The following MYO5B variants were observed in gnomAD, a reference collection of about 807,000 sequenced individuals.
MYO5B encodes the protein myosin VB, also known as unconventional myosin-Vb.
In MYO5B, 143 loss-of-function variants were observed where a neutral mutation model predicts 229.3. The ratio of observed to expected loss-of-function variants is 0.62; its 90% CI spans 0.54 to 0.72. MYO5B has a LOEUF of 0.72. MYO5B is among the 30% of genes least tolerant of loss of function. The pLI is 0.00. For synonymous variants in MYO5B, 918 were observed against 885.2 expected, an observed-to-expected ratio of 1.04 and a Z score of -0.66; for missense variants, 2,321 against 2,331.0, an observed-to-expected ratio of 1.00 and a Z score of 0.09.
At chr18:49,880,225 G>T in intron 23 of MYO5B, 146 bp downstream of exon 23, 2 of 784,124 alleles carry the variant, frequency 2.6e-6, no homozygotes, top group Non-Finnish European at 4.5e-6. Flanking sequence ...GATCTTAAAG[G>T]TCATTATTCT....
At chr18:49,837,385 G>C in intron 37 of MYO5B, 132 bp downstream of exon 37, 1 of 1,122,678 alleles carries the variant, frequency 8.9e-7, no homozygotes, top group Admixed American at 1.9e-5. Context: ...TTGAGTCACA[G>C]ACTGATGGAG....
At chr18:49,986,268 T>TC (rs1216739236) in intron 7 of MYO5B, among the ~76,000 whole-genome samples, 1 of 151,834 alleles carries the variant, frequency 6.6e-6, no homozygotes, top group African/African-American at 2.4e-5. Context: ...CTTCCTCACC[T>TC]CCCCCCATTT....
At chr18:50,021,428 C>T (rs866324165) in intron 4 of MYO5B, among the ~76,000 whole-genome samples, 3 of 152,288 alleles carry the variant, frequency 2.0e-5, no homozygotes, top group Middle Eastern at 3.4e-3. Flanking sequence ...CATCACTCTA[C>T]CTCTCAGGGC....
At position 49,864,197 on chromosome 18, in the gene MYO5B, T is replaced by C. The variant is rs1440042169; in HGVS notation, c.3787A>G (p.Ile1263Val). The C allele has an allele frequency of 2.5e-6, 4 of 1,613,400 alleles. No homozygotes were observed. The South Asian group carries it at 4.4e-5, about 18-fold the overall frequency. Residue 1263 changes from isoleucine (I) to valine (V), a missense_variant, in exon 28 of 40, where the codon ATC becomes GTC. By Grantham distance (29) the Ile-to-Val change is conservative. Around this residue, in one of 2 missense-constraint regions of MYO5B, gnomAD observed 2,113 missense variants for 2,044.7 expected, o/e 1.03. Coordinates refer to ENST00000285039, the MANE Select transcript of MYO5B (RefSeq NM_001080467.3). ...GCGCTCACGATCTGGGTCCTGAGGA[T>C]GAGCACCTCCTCCTTGCGCACCTCG... is the stretch of plus-strand genomic sequence containing the variant. ...ELEVRKEEVL[I>V]LRTQIVSADQ...
intron 6 of MYO5B, 101 bp from the exon 7 acceptor site, chr18:49,990,621 C>T (rs2025920941): frequency 2.2e-6 from 2 of 929,418 alleles, no homozygotes; most frequent in Non-Finnish European, 1.7e-6. Context: ...GAGGCTGAGC[C>T]CCCCACTCTT....
intron 17 of MYO5B, among the ~76,000 whole-genome samples, chr18:49,918,160 C>T (rs373599334): frequency 3.9e-5 from 6 of 152,330 alleles, no homozygotes; most frequent in East Asian, 1.9e-4. Context: ...AGCCTAACAC[C>T]GGGTTTAACC....
Position 49,880,360 on chromosome 18 carries a change from T to C in MYO5B, c.3130+11A>G. 1 of 1,610,590 alleles carries C rather than the reference T, an allele frequency of 6.2e-7. No individual in the cohort carries two copies. The highest frequency in any genetic ancestry group is 8.5e-7 in the Non-Finnish European group (1 of 1,176,764). On this transcript the variant is annotated intron_variant, in intron 23 of 39. Coordinates refer to ENST00000285039, the MANE Select transcript of MYO5B (RefSeq NM_001080467.3). ...AAACCCCAAATAAAACTCAAGTGCT[T>C]TGGTACTTACCTTTAGACTGGCACA...
chr18:49,995,786 T>C (rs2025981281), intron 5 of MYO5B, among the ~76,000 whole-genome samples: 2 of 152,126 alleles, frequency 1.3e-5, no homozygotes, highest in Admixed American at 6.5e-5. Flanking sequence ...AATTAATATA[T>C]CTAGGCATAA....
chr18:50,045,225 G>A (rs932928670), intron 2 of MYO5B, among the ~76,000 whole-genome samples: 2 of 152,184 alleles, frequency 1.3e-5, no homozygotes, highest in Non-Finnish European at 2.9e-5. Flanking sequence ...TGTGAGGAAA[G>A]CCACCTGGGG....
At chr18:50,016,946 C>T (rs546210329) in intron 4 of MYO5B, among the ~76,000 whole-genome samples, 9 of 151,818 alleles carry the variant, frequency 5.9e-5, no homozygotes, top group East Asian at 1.9e-4. Flanking sequence ...AACCCTACCC[C>T]CTTCACCCCA....
intron 1 of MYO5B, among the ~76,000 whole-genome samples, chr18:50,076,914 A>G (rs903984364): frequency 9.6e-5 from 11 of 115,038 alleles, no homozygotes; most frequent in African/African-American, 3.6e-4. Context: ...GCCCAGACTA[A>G]AAAACTGATG....
chr18:50,075,740 C>T (rs1202517931), intron 1 of MYO5B, among the ~76,000 whole-genome samples: 14 of 152,238 alleles, frequency 9.2e-5, no homozygotes. Flanking sequence ...CCCCTGAAAA[C>T]AAGCTGTGGC....
In MYO5B at chr18:49,895,103, C is replaced by A. The variant is rs1170929166; in HGVS notation, c.2883G>T (p.Arg961=). The A allele has an allele frequency of 6.2e-7, 1 of 1,614,154 alleles. No homozygotes were observed. Among genetic ancestry groups the A allele is most frequent in the Non-Finnish European group, 8.5e-7 (1 of 1,180,028 alleles). ...TTSTYTMEVE[R]LKKELVHYQQ... ...GGTAGTGCACCAGCTCCTTCTTCAG[C>A]CGCTCTACCTCCATGGTGTATGTTG... Residue 961 remains arginine, a synonymous_variant, in exon 22 of 40, where the codon CGG becomes CGT. Coordinates refer to ENST00000285039, the MANE Select transcript of MYO5B (RefSeq NM_001080467.3).
chr18:50,143,757 G>T (rs546124596), intron 1 of MYO5B, among the ~76,000 whole-genome samples: 3 of 152,286 alleles, frequency 2.0e-5, no homozygotes, highest in African/African-American at 7.2e-5. Flanking sequence ...CACCATGAAA[G>T]GCAGCAATAG....
At chr18:49,891,584 C>A (rs2024715432) in intron 22 of MYO5B, among the ~76,000 whole-genome samples, 1 of 152,304 alleles carries the variant, frequency 6.6e-6, no homozygotes, top group East Asian at 1.9e-4. Flanking sequence ...CAACGTCCTT[C>A]CAGAGATGGG....
intron 1 of MYO5B, among the ~76,000 whole-genome samples, chr18:50,114,101 A>G (rs1217322313): frequency 6.6e-6 from 1 of 152,130 alleles, no homozygotes; most frequent in Non-Finnish European, 1.5e-5. Context: ...CTTTGGCTTA[A>G]TGTCGGCCCT....
At chr18:49,984,625 G>T in intron 8 of MYO5B, 93 bp downstream of exon 8, 1 of 975,310 alleles carries the variant, frequency 1.0e-6, no homozygotes, top group Non-Finnish European at 1.7e-6. Context: ...GCTCCTGCAG[G>T]TTGCTGGCAA....
At chr18:49,986,296 G>A (rs1221669742) in intron 7 of MYO5B, among the ~76,000 whole-genome samples, 1 of 152,012 alleles carries the variant, frequency 6.6e-6, no homozygotes, top group Non-Finnish European at 1.5e-5. Context: ...TGCATCCTAT[G>A]CTCCAAGCCA....
chr18:50,180,441 C>G (rs935254374), intron 1 of MYO5B, among the ~76,000 whole-genome samples: 1 of 152,172 alleles, frequency 6.6e-6, no homozygotes, highest in Admixed American at 6.5e-5. Context: ...AGCTGAGGAA[C>G]CAGGACTCAA....
Sources: allele counts gnomAD v4.1 joint callset (sites outside exome capture counted in the v4.1 genomes callset), GRCh38; gene constraint gnomAD v4.1.1; regional missense constraint gnomAD v4.1.1; transcripts MANE v1.5; gene names NCBI Gene and HGNC (gene_info 2026-07-23, HGNC 2026-07-21).